Variants in LIPG observed in about 807,000 individuals in gnomAD.
LIPG encodes the protein endothelial lipase.
LIPG carries 34 observed loss-of-function variants against 51.8 expected under a neutral mutation model. The observed-to-expected ratio is 0.66, with a 90% CI of 0.50 to 0.87. The LOEUF (loss-of-function observed/expected upper bound fraction) is 0.87, where lower values mean the gene tolerates loss of function less well. LIPG is among the 40% of genes least tolerant of loss of function. The probability of loss-of-function intolerance (pLI) is 0.00; values close to 1 mark genes in which losing one functional copy is unlikely to be tolerated. For synonymous variants in LIPG, 246 were observed against 246.1 expected, an observed-to-expected ratio of 1.00 and a Z score of 0.00; for missense variants, 580 against 652.7, an observed-to-expected ratio of 0.89 and a Z score of 1.21.
intron 1 of LIPG, among the ~76,000 whole-genome samples, chr18:49,562,750 A>G (rs900398275): frequency 3.3e-5 from 5 of 151,446 alleles, no homozygotes; most frequent in African/African-American, 1.2e-4. Flanking sequence ...CTCATGCCTG[A>G]ACCTGGAGGT....
In LIPG at chr18:49,575,609, G is replaced by T; in HGVS notation, c.793+19G>T. 6.2e-7 allele frequency: 1 copy of T among 1,604,392 alleles called. No individual in the cohort carries two copies. Among genetic ancestry groups the T allele is most frequent in the Non-Finnish European group, 8.5e-7 (1 of 1,172,604 alleles). On this transcript the variant is annotated intron_variant, in intron 5 of 9. Transcript: ENST00000261292. Reference sequence around the variant, plus strand: ...TATGGAAGTGAGTTCCCTCTTTTCTGCTTTGTGTTTGACTCAGTTTATTCC... The same window carrying T: ...TATGGAAGTGAGTTCCCTCTTTTCTTCTTTGTGTTTGACTCAGTTTATTCC...
intron 5 of LIPG, among the ~76,000 whole-genome samples, chr18:49,578,427 C>A (rs1467712883): frequency 0.012 from 1,007 of 86,284 alleles, no homozygotes; most frequent in Middle Eastern, 0.056. Flanking sequence ...AGACGATGGG[C>A]GGCCGGGCAG....
chr18:49,574,049 C>T (rs1483717758), intron 4 of LIPG, among the ~76,000 whole-genome samples: 1 of 152,166 alleles, frequency 6.6e-6, no homozygotes, highest in East Asian at 1.9e-4. Context: ...TCCAGATGTC[C>T]CCTGGGGGGC....
chr18:49,565,251 T>A (rs947802950), intron 1 of LIPG, 66 bp from the exon 2 acceptor site: 96 of 1,528,642 alleles, frequency 6.3e-5, no homozygotes, highest in Non-Finnish European at 8.0e-5. Flanking sequence ...TGAACTAGAA[T>A]CAGACCCCAG....
chr18:49,587,367 G>T (rs1387898887), intron 9 of LIPG, among the ~76,000 whole-genome samples: 1 of 151,482 alleles, frequency 6.6e-6, no homozygotes, highest in Non-Finnish European at 1.5e-5. Context: ...TCAGGAGATC[G>T]ACACAATCCT....
rs1177229653 is a variant in LIPG, at chr18:49,597,178, A to C, written c.*6656A>C. The C allele has an allele frequency of 6.6e-6, 1 of 152,224 alleles. No homozygotes were observed. The highest frequency in any genetic ancestry group is 1.5e-5 in the Non-Finnish European group (1 of 68,042). The allele number at this position is 152,224 out of a possible 1,614,324, so 9.4% of individuals were successfully genotyped here. ...TCCTGTTGGGATAGAGAAACAGTGG[A>C]GCAGGGCAGCCACCTTACACATAGG... On this transcript the variant is annotated 3_prime_UTR_variant, in exon 10 of 10. Transcript: ENST00000261292.
chr18:49,568,683 T>C (rs986391051), intron 3 of LIPG, among the ~76,000 whole-genome samples: 33 of 152,070 alleles, frequency 2.2e-4, no homozygotes, highest in African/African-American at 7.7e-4. Flanking sequence ...ACCCAGCCTA[T>C]TTACTTTTAA....
Position 49,590,575 on chromosome 18 carries a change from GC to G in LIPG, c.*56del. The G allele has an allele frequency of 6.4e-7, 1 of 1,557,682 alleles. No homozygotes were observed. Among genetic ancestry groups the G allele is most frequent in the Admixed American group, 1.9e-5 (1 of 53,804 alleles). ...GGCAGCAAGACTTCCTGCTATCCAA[GC>G]CCATGGAGGAAAGTTACTGCTGAGG... On this transcript the variant is annotated 3_prime_UTR_variant, in exon 10 of 10. Transcript: ENST00000261292.
In LIPG at chr18:49,595,477, A is replaced by G. The variant is rs1202230873; in HGVS notation, c.*4955A>G. The G allele has an allele frequency of 6.6e-6, 1 of 152,192 alleles. No homozygotes were observed. 9.4% of individuals were successfully genotyped at this position (152,192 alleles called of 1,614,324 possible). On this transcript the variant is annotated 3_prime_UTR_variant, in exon 10 of 10. Transcript: ENST00000261292. ...TGTGAATGTTAAAGGTACATGGTAAAAAAGAAAGTATTTGTGTTTTGTAAA... is the reference window on the plus strand; with the variant it reads ...TGTGAATGTTAAAGGTACATGGTAAGAAAGAAAGTATTTGTGTTTTGTAAA...
At chr18:49,583,053 C>T (rs1289837970) in intron 7 of LIPG, among the ~76,000 whole-genome samples, 1 of 152,096 alleles carries the variant, frequency 6.6e-6, no homozygotes, top group African/African-American at 2.4e-5. Context: ...GAGGCCAAGC[C>T]AAATGAGAGG....
chr18:49,561,654 C>G (rs540323898), upstream of LIPG: 2,699 of 1,235,968 alleles, frequency 2.2e-3, 4 homozygotes, highest in Non-Finnish European at 2.3e-3. Flanking sequence ...AGACCACTCC[C>G]AGAGAGAGTG....
chr18:49,582,301 CA>C (rs1421140098), intron 6 of LIPG, 60 bp from the exon 7 acceptor site: 1 of 1,611,064 alleles, frequency 6.2e-7, no homozygotes, highest in Non-Finnish European at 8.5e-7. Flanking sequence ...CAGTTTGGGT[CA>C]GGGGTCTCCT....
At chr18:49,567,377 G>T in intron 2 of LIPG, 65 bp from the exon 3 acceptor site, 1 of 1,509,930 alleles carries the variant, frequency 6.6e-7, no homozygotes. Context: ...ATATAGAAAG[G>T]AATTCCATAT....
Position 49,590,579 on chromosome 18 carries a change from A to G in LIPG, c.*57A>G, listed in dbSNP as rs2084932010. 18 of 1,553,180 alleles carry G rather than the reference A, an allele frequency of 1.2e-5. No homozygotes were observed. The highest frequency in any genetic ancestry group is 1.1e-4 in the Admixed American group (6 of 53,420). On this transcript the variant is annotated 3_prime_UTR_variant, in exon 10 of 10. Coordinates refer to ENST00000261292, the MANE Select transcript of LIPG (RefSeq NM_006033.4). ...GCAAGACTTCCTGCTATCCAAGCCC[A>G]TGGAGGAAAGTTACTGCTGAGGACC...
At chr18:49,578,829 C>G (rs1192728892) in intron 5 of LIPG, among the ~76,000 whole-genome samples, 1 of 150,868 alleles carries the variant, frequency 6.6e-6, no homozygotes, top group Non-Finnish European at 1.5e-5. Context: ...GAGACCGGCC[C>G]GGCCAACACA....
At position 49,597,713 on chromosome 18, in the gene LIPG, T is replaced by A. The variant is rs773109970; in HGVS notation, c.*7191T>A. On this transcript the variant is annotated 3_prime_UTR_variant, in exon 10 of 10. Transcript: ENST00000261292. ...AGTTATCTGGGCCATTTGCTAATTA[T>A]CTCAGCCCAGACGAGTCTGCACGCT... is the stretch of plus-strand genomic sequence containing the variant. 9 of 152,220 alleles carry A rather than the reference T, an allele frequency of 5.9e-5. No homozygotes were observed. Among genetic ancestry groups the A allele is most frequent in the Non-Finnish European group, 8.8e-5 (6 of 68,064 alleles). The allele number at this position is 152,220 out of a possible 1,614,324, so 9.4% of individuals were successfully genotyped here.
intron 9 of LIPG, chr18:49,590,107 CTT>C (rs1387338661): frequency 8.6e-6 from 3 of 349,324 alleles, no homozygotes; most frequent in Admixed American, 7.9e-5. Flanking sequence ...CAGTGTCTCT[CTT>C]GTATTTCTAG....
intron 4 of LIPG, 59 bp from the exon 5 acceptor site, chr18:49,575,310 G>C: frequency 7.4e-7 from 1 of 1,354,432 alleles, no homozygotes. Context: ...TTGTAATCAG[G>C]ACTCACTGAC....
Position 49,590,511 on chromosome 18 carries a change from G to T in LIPG, c.1492G>T (p.Glu498Ter). 6.2e-7 allele frequency: 1 copy of T among 1,602,288 alleles called. No homozygotes were observed. ...CACGGTTTCTTTCAGTCCCACTGTG[G>T]AGCTTCCCTGAGGGTGCCCGGGCAA... ...RMKNETSPTV[E>*]LP The change falls in exon 10 of 10, where the codon GAG becomes TAG. Residue 498 changes from glutamate (E) to a stop codon, truncating the protein, a stop_gained. Coordinates refer to ENST00000261292, the MANE Select transcript of LIPG (RefSeq NM_006033.4). LOFTEE classifies it high-confidence loss of function.
Sources: gnomAD v4.1 joint callset for allele counts (sites outside exome capture counted in the v4.1 genomes callset) on GRCh38, gnomAD v4.1.1 for gene constraint, MANE v1.5 for transcripts, NCBI Gene and HGNC (gene_info 2026-07-23, HGNC 2026-07-21) for gene names.